The following CSMD1 variants were observed in gnomAD, a reference collection of about 807,000 sequenced individuals.
The protein encoded by CSMD1 is CUB and Sushi multiple domains 1.
In CSMD1, 213 loss-of-function variants were observed where a neutral mutation model predicts 417.5. The observed-to-expected ratio is 0.51, with a 90% CI of 0.46 to 0.57. CSMD1 has a LOEUF of 0.57. Ranked by LOEUF, CSMD1 falls within the 20% of genes least tolerant of loss-of-function variation. CSMD1 has a pLI of 0.00. For synonymous variants in CSMD1, 2,862 were observed against 1,736.8 expected (o/e 1.65, Z -16.11); for missense variants, 6,923 against 4,529.7 (o/e 1.53, Z -15.17).
chr8:4,838,067 A>T (rs1360891197), intron 1 of CSMD1, among the ~76,000 whole-genome samples: 2 of 152,158 alleles, frequency 1.3e-5, no homozygotes, highest in Non-Finnish European at 2.9e-5. Flanking sequence ...CCAGGAAGGG[A>T]CATAGTGGAT....
chr8:3,399,607 G>T, intron 15 of CSMD1, 78 bp from the exon 16 acceptor site: 2 of 1,114,464 alleles, frequency 1.8e-6, no homozygotes, highest in Non-Finnish European at 2.5e-6. Flanking sequence ...ATAAAAGCCA[G>T]AATCTGCTTC....
At chr8:4,982,916 G>T (rs936208326) in intron 1 of CSMD1, among the ~76,000 whole-genome samples, 10 of 152,130 alleles carry the variant, frequency 6.6e-5, no homozygotes, top group African/African-American at 1.9e-4. Context: ...AGACTGATTA[G>T]CTCTTCTTTG....
intron 20 of CSMD1, among the ~76,000 whole-genome samples, chr8:3,361,220 G>C (rs535494263): frequency 6.0e-4 from 91 of 152,216 alleles, no homozygotes; most frequent in African/African-American, 2.1e-3. Context: ...TTAAAATAAA[G>C]ATGTCACAAT....
chr8:4,812,318 T>G (rs143100999), intron 1 of CSMD1, among the ~76,000 whole-genome samples: 1 of 152,332 alleles, frequency 6.6e-6, no homozygotes, highest in Non-Finnish European at 1.5e-5. Context: ...TAGTGGCTGC[T>G]TCCAATCAAA....
In CSMD1 at chr8:3,594,779, C is replaced by T. The variant is rs187078010; in HGVS notation, c.1098-8519G>A. 3.0e-3 allele frequency among the ~76,000 whole-genome samples: 455 copies of T among 152,232 alleles called. 4 individuals carry two copies. The highest frequency in any genetic ancestry group is 0.01 in the African/African-American group (430 of 41,552). On this transcript the variant is annotated intron_variant, in intron 8 of 69. Coordinates refer to ENST00000635120, the MANE Select transcript of CSMD1 (RefSeq NM_033225.6). ...GAGTGGGAGGCTTGGGAGAAGAGGC[C>T]GGTTGGGAAGGTGTTAACCTCCGAG...
At chr8:3,931,827 A>G (rs1290179951) in intron 5 of CSMD1, among the ~76,000 whole-genome samples, 4 of 148,038 alleles carry the variant, frequency 2.7e-5, no homozygotes, top group African/African-American at 1.0e-4. Context: ...ATTCAAGCAG[A>G]GGACTGGGCT....
At position 3,586,138 on chromosome 8, in the gene CSMD1, C is replaced by G. The variant is rs372522595; in HGVS notation, c.1220G>C (p.Arg407Pro). The stretch of plus-strand genomic sequence containing the variant: ...TTTACCCACCGCAGGTGCCTTACCT[C>G]GGCAGATGGGCCTGTGGTCACTCCA... Reference protein sequence around the residue: ...AAWSDHRPICRARTCGSNLRG... With the variant: ...AAWSDHRPICPARTCGSNLRG... Residue 407 changes from arginine to proline, a missense_variant and splice_region_variant, in exon 9 of 70, where the codon CGA (arginine) becomes CCA (proline). Transcript: ENST00000635120. 6.2e-7 allele frequency: 1 copy of G among 1,611,234 alleles called. No individual in the cohort carries two copies.
chr8:3,097,031 C>T lies in CSMD1; in HGVS notation c.6956G>A (p.Cys2319Tyr). Reference protein sequence around the residue: ...EGSLPTCEAQCPANEVRTGSS... With the variant: ...EGSLPTCEAQYPANEVRTGSS... ...TCCAGTCCGGACTTCATTTGCTGGGCATTGTGCTGGAGAGAAAAGTACCAG... is the reference window on the plus strand; with the variant it reads ...TCCAGTCCGGACTTCATTTGCTGGGTATTGTGCTGGAGAGAAAAGTACCAG... The change falls in exon 47 of 70, where the codon TGC becomes TAC. Residue 2319 changes from cysteine (C) to tyrosine (Y), a missense_variant. By Grantham distance (194) the Cys-to-Tyr change is radical. Transcript: ENST00000635120. 1 of 1,542,476 alleles carries T rather than the reference C, an allele frequency of 6.5e-7. No individual in the cohort carries two copies. Among genetic ancestry groups the T allele is most frequent in the Non-Finnish European group, 8.7e-7 (1 of 1,143,466 alleles).
chr8:3,222,592 A>G (rs947584616), intron 28 of CSMD1, among the ~76,000 whole-genome samples: 2 of 152,186 alleles, frequency 1.3e-5, no homozygotes, highest in African/African-American at 4.8e-5. Flanking sequence ...TACAGTCATG[A>G]ACCACCATGC....
intron 3 of CSMD1, among the ~76,000 whole-genome samples, chr8:4,063,356 G>C (rs749735936): frequency 7.2e-5 from 11 of 151,984 alleles, no homozygotes; most frequent in Non-Finnish European, 1.5e-4. Flanking sequence ...TAAAGAAAAT[G>C]TGTATGAAAA....
intron 5 of CSMD1, among the ~76,000 whole-genome samples, chr8:3,904,574 G>C (rs868376892): frequency 6.6e-6 from 1 of 151,606 alleles, no homozygotes; most frequent in Non-Finnish European, 1.5e-5. Context: ...GGAGAGTTGG[G>C]AATTAAATTA....
chr8:4,655,019 G>C (rs1446829487), intron 1 of CSMD1, among the ~76,000 whole-genome samples: 2 of 139,048 alleles, frequency 1.4e-5, no homozygotes, highest in Non-Finnish European at 3.0e-5. Context: ...CCAAGCATTT[G>C]ATACAGATGT....
intron 1 of CSMD1, among the ~76,000 whole-genome samples, chr8:4,941,026 C>T (rs545912239): frequency 6.6e-6 from 1 of 152,138 alleles, no homozygotes; most frequent in East Asian, 1.9e-4. Context: ...GAGGAACAAT[C>T]TACACTTTTC....
At chr8:3,214,403 G>C (rs941640274) in intron 30 of CSMD1, 94 bp downstream of exon 30, 4 of 1,057,448 alleles carry the variant, frequency 3.8e-6, no homozygotes, top group African/African-American at 3.2e-5. Context: ...CCGATGAGAG[G>C]AATACGTGTT....
At chr8:3,904,271 A>C (rs923478616) in intron 5 of CSMD1, among the ~76,000 whole-genome samples, 9 of 152,158 alleles carry the variant, frequency 5.9e-5, no homozygotes, top group African/African-American at 1.9e-4. Flanking sequence ...TTACCAAACA[A>C]ATCATAGGTT....
At chr8:3,187,323 G>T (rs887369780) in intron 36 of CSMD1, among the ~76,000 whole-genome samples, 1 of 152,188 alleles carries the variant, frequency 6.6e-6, no homozygotes, top group African/African-American at 2.4e-5. Flanking sequence ...GCAATGGGAA[G>T]GGAAGACTTG....
chr8:3,719,135 A>C (rs758954410), intron 6 of CSMD1, among the ~76,000 whole-genome samples: 2 of 152,124 alleles, frequency 1.3e-5, no homozygotes, highest in Non-Finnish European at 2.9e-5. Flanking sequence ...CTGTTCTATT[A>C]ACTCGTTCTT....
chr8:3,108,789 C>A (rs1816316409), intron 43 of CSMD1, 41 bp from the exon 44 acceptor site: 7 of 1,561,748 alleles, frequency 4.5e-6, no homozygotes, highest in Non-Finnish European at 6.1e-6. Flanking sequence ...AGGATATTTA[C>A]TTCTGAGTGA....
chr8:4,575,598 G>A (rs1220328616), intron 2 of CSMD1, among the ~76,000 whole-genome samples: 1 of 152,162 alleles, frequency 6.6e-6, no homozygotes, highest in Admixed American at 6.5e-5. Context: ...AATTCATTAT[G>A]ATATGGTAGA....
Sources: gnomAD v4.1 joint callset for allele counts (sites outside exome capture counted in the v4.1 genomes callset) on GRCh38, gnomAD v4.1.1 for gene constraint, MANE v1.5 for transcripts, NCBI Gene and HGNC (gene_info 2026-07-23, HGNC 2026-07-21) for gene names.